ZNF143: variants seen among roughly 807,000 people sequenced by gnomAD.
ZNF143 encodes the protein zinc finger protein 143.
Under a neutral mutation model 74.1 loss-of-function variants are expected in ZNF143, and 49 were observed. That is an observed-to-expected ratio of 0.66 (90% CI 0.53 to 0.84). ZNF143 has a LOEUF of 0.84. Ranked by LOEUF, ZNF143 falls within the 40% of genes least tolerant of loss-of-function variation. The pLI is 0.00. For missense variants in ZNF143, 637 were observed against 793.4 expected, an observed-to-expected ratio of 0.80 and a Z score of 2.37; for synonymous variants, 304 against 282.8, an observed-to-expected ratio of 1.07 and a Z score of -0.75.
intron 12 of ZNF143, among the ~76,000 whole-genome samples, chr11:9,510,862 T>C (rs1410213265): frequency 6.6e-6 from 1 of 152,076 alleles, no homozygotes; most frequent in Non-Finnish European, 1.5e-5. Flanking sequence ...TACTTACTGG[T>C]TCTTTATGAA....
intron 14 of ZNF143, 43 bp downstream of exon 14, chr11:9,516,405 T>A: frequency 6.5e-7 from 1 of 1,528,850 alleles, no homozygotes; most frequent in Non-Finnish European, 8.9e-7. Context: ...CATATATCAG[T>A]ACCAAAACAG....
At chr11:9,520,798 A>C (rs1848897272) in intron 14 of ZNF143, among the ~76,000 whole-genome samples, 2 of 152,222 alleles carry the variant, frequency 1.3e-5, no homozygotes, top group African/African-American at 4.8e-5. Context: ...AAAAAATAAA[A>C]AATAAAAAAG....
At position 9,516,232 on chromosome 11, in the gene ZNF143, T is replaced by C; in HGVS notation, c.1556T>C (p.Ile519Thr). 1.9e-6 allele frequency: 3 copies of C among 1,614,090 alleles called. No individual in the cohort carries two copies. Among genetic ancestry groups the C allele is most frequent in the South Asian group, 1.1e-5 (1 of 91,082 alleles). ...ATATCTCAAGCTGACATGCAGGCCATTGGCAACACCATCACAATGGTAACG... is the reference window on the plus strand; with the variant it reads ...ATATCTCAAGCTGACATGCAGGCCACTGGCAACACCATCACAATGGTAACG... Reference protein sequence around the residue: ...VNISQADMQAIGNTITMVTQD... With the variant: ...VNISQADMQATGNTITMVTQD... Residue 519 changes from isoleucine to threonine, a missense_variant, in exon 14 of 16, where the codon ATT becomes ACT. By Grantham distance (89) the Ile-to-Thr change is moderately conservative. Transcript: ENST00000396602.
intron 12 of ZNF143, among the ~76,000 whole-genome samples, chr11:9,511,738 G>A (rs560595309): frequency 7.3e-5 from 11 of 150,796 alleles, no homozygotes; most frequent in African/African-American, 2.7e-4. Flanking sequence ...CACTGTGCCT[G>A]GCCTTTAACA....
chr11:9,479,677 A>T (rs552639006), intron 7 of ZNF143, 131 bp downstream of exon 7: 1 of 635,384 alleles, frequency 1.6e-6, no homozygotes, highest in African/African-American at 1.9e-5. Flanking sequence ...CAATGTATGT[A>T]TTGGGCAGCA....
Position 9,478,383 on chromosome 11 carries a change from C to G in ZNF143, c.374-7C>G. The G allele has an allele frequency of 6.2e-7, 1 of 1,604,582 alleles. No individual in the cohort carries two copies. The highest frequency in any genetic ancestry group is 8.5e-7 in the Non-Finnish European group (1 of 1,171,940). Reference sequence around the variant, plus strand: ...TAATTTAATGGCATTCTCTTCCACTCTCTCAGATAGTTATGACCAGAGTGC... The same window carrying G: ...TAATTTAATGGCATTCTCTTCCACTGTCTCAGATAGTTATGACCAGAGTGC... On this transcript the variant is annotated splice_region_variant and splice_polypyrimidine_tract_variant and intron_variant, in intron 5 of 15. Transcript: ENST00000396602.
chr11:9,462,161 G>A (rs2133797287), intron 1 of ZNF143: 2 of 151,972 alleles, frequency 1.3e-5, no homozygotes, highest in East Asian at 1.9e-4. Context: ...ATTTTGTCCT[G>A]GCGTATTTTG....
chr11:9,470,306 T>C (rs1378214588), intron 1 of ZNF143, among the ~76,000 whole-genome samples: 1 of 152,228 alleles, frequency 6.6e-6, no homozygotes, highest in African/African-American at 2.4e-5. Flanking sequence ...CAGAAGTCTC[T>C]GTCCATTCTC....
intron 1 of ZNF143, among the ~76,000 whole-genome samples, chr11:9,463,117 T>A (rs529592688): frequency 6.6e-6 from 1 of 151,972 alleles, no homozygotes; most frequent in East Asian, 1.9e-4. Flanking sequence ...TGTCAATACT[T>A]TATTTTTATT....
chr11:9,512,940 T>C (rs1313810457), intron 13 of ZNF143, among the ~76,000 whole-genome samples: 2 of 151,702 alleles, frequency 1.3e-5, no homozygotes, highest in Non-Finnish European at 2.9e-5. Context: ...GGAGGTGAGA[T>C]TGAGAAAACA....
At chr11:9,501,582 G>T (rs1203285067) in intron 11 of ZNF143, among the ~76,000 whole-genome samples, 2 of 152,154 alleles carry the variant, frequency 1.3e-5, no homozygotes, top group African/African-American at 4.8e-5. Flanking sequence ...GATGCTGTGG[G>T]AGCAGAGAGG....
chr11:9,504,346 G>C lies in ZNF143; in HGVS notation c.1147+3076G>C, dbSNP rs1468702951. On this transcript the variant is annotated intron_variant, in intron 11 of 15. Coordinates refer to ENST00000396602, the MANE Select transcript of ZNF143 (RefSeq NM_003442.6). ...AATCCTTTGCCCGTTTTTAAAATTGGGTTGTGTCTTTATTACTGAGTTGTA... is the reference window on the plus strand; with the variant it reads ...AATCCTTTGCCCGTTTTTAAAATTGCGTTGTGTCTTTATTACTGAGTTGTA... 1.4e-4 allele frequency among the ~76,000 whole-genome samples: 18 copies of C among 126,648 alleles called. 6 individuals carry two copies. Among genetic ancestry groups the C allele is most frequent in the Non-Finnish European group, 3.4e-4 (18 of 53,478 alleles). 83.1% of individuals were successfully genotyped at this position (126,648 alleles called of 152,430 possible).
chr11:9,478,251 T>G, intron 5 of ZNF143, 139 bp from the exon 6 acceptor site: 5 of 779,006 alleles, frequency 6.4e-6, no homozygotes, highest in Non-Finnish European at 1.0e-5. Flanking sequence ...GAGGATTAAA[T>G]GAAATAACAC....
Position 9,519,064 on chromosome 11 carries a change from A to G in ZNF143, c.1686+2702A>G, listed in dbSNP as rs551413202. Among the ~76,000 whole-genome samples the G allele has an allele frequency of 8.5e-5, 13 of 152,216 alleles. 1 individual carries two copies. The highest frequency in any genetic ancestry group is 2.2e-4 in the African/African-American group (9 of 41,456). On this transcript the variant is annotated intron_variant, in intron 14 of 15. Coordinates refer to ENST00000396602, the MANE Select transcript of ZNF143 (RefSeq NM_003442.6). ...GCACAGATCTTAAATTTACAATTCA[A>G]TGAGTTATGTTAAATATGCACCCAT...
At chr11:9,472,167 C>G (rs534959009) in intron 2 of ZNF143, among the ~76,000 whole-genome samples, 1 of 149,654 alleles carries the variant, frequency 6.7e-6, no homozygotes, top group Admixed American at 6.7e-5. Context: ...GGGCTCAAGC[C>G]ATCCACCCAC....
chr11:9,473,958 G>C lies in ZNF143; in HGVS notation c.223G>C (p.Gly75Arg). ...TGTTATAGATGCAAAACTCATAGAT[G>C]GCCAGGTCATTCAGTTGGAAGATGG... ...HNSKDAKLIDGQVIQLEDGSA... is the reference protein window; with the variant it reads ...HNSKDAKLIDRQVIQLEDGSA... The change falls in exon 4 of 16, where the codon GGC becomes CGC. Residue 75 changes from glycine (G) to arginine (R), a missense_variant. By Grantham distance (125) the Gly-to-Arg change is moderately radical. This residue lies in a region of ZNF143 where 293 missense variants were observed against 307.8 expected (regional missense o/e 0.95). Transcript: ENST00000396602. 3 of 1,614,094 alleles carry C rather than the reference G, an allele frequency of 1.9e-6. No homozygotes were observed. The highest frequency in any genetic ancestry group is 2.5e-6 in the Non-Finnish European group (3 of 1,179,962).
intron 7 of ZNF143, among the ~76,000 whole-genome samples, chr11:9,480,901 AAAAAAG>A (rs1233718053): frequency 1.1e-4 from 16 of 151,554 alleles, no homozygotes; most frequent in African/African-American, 3.9e-4. Flanking sequence ...AAAAAAAAAG[AAAAAAG>A]AAAAAGAAAT....
chr11:9,508,772 T>C lies in ZNF143; in HGVS notation c.1301T>C (p.Met434Thr), dbSNP rs1212970630. ...KTYKQISTLAMHKRTAHNDTE... is the reference protein window; with the variant it reads ...KTYKQISTLATHKRTAHNDTE... ...TACAAGCAGATCTCCACGCTGGCCATGCACAAACGGACAGCCCACAACGAC... is the reference window on the plus strand; with the variant it reads ...TACAAGCAGATCTCCACGCTGGCCACGCACAAACGGACAGCCCACAACGAC... The change falls in exon 12 of 16, where the codon ATG (methionine) becomes ACG (threonine). Residue 434 changes from methionine (M) to threonine (T), a missense_variant. Physicochemically the swap from Met to Thr is moderately conservative, Grantham distance 81 (BLOSUM62 -1). Coordinates refer to ENST00000396602, the MANE Select transcript of ZNF143 (RefSeq NM_003442.6). 4 of 1,612,354 alleles carry C rather than the reference T, an allele frequency of 2.5e-6. No individual in the cohort carries two copies. The East Asian group carries it at 6.7e-5, about 27-fold the overall frequency.
At chr11:9,465,053 C>G (rs1856113973) in intron 1 of ZNF143, among the ~76,000 whole-genome samples, 1 of 152,028 alleles carries the variant, frequency 6.6e-6, no homozygotes. Context: ...AAGCTGAATA[C>G]AAAATGTTAT....
Sources: gnomAD v4.1 joint callset for allele counts (sites outside exome capture counted in the v4.1 genomes callset) on GRCh38, gnomAD v4.1.1 for gene constraint, gnomAD v4.1.1 regional missense constraint, MANE v1.5 for transcripts, NCBI Gene and HGNC (gene_info 2026-07-23, HGNC 2026-07-21) for gene names.